SNED1: variants seen among roughly 807,000 people sequenced by gnomAD.
SNED1 encodes sushi, nidogen and EGF-like domain-containing protein 1.
A neutral mutation model predicts 166.7 loss-of-function variants in SNED1; 81 were observed. That is an observed-to-expected ratio of 0.49 (90% CI 0.41 to 0.58). The LOEUF (loss-of-function observed/expected upper bound fraction) is 0.58. Among genes scored for constraint, SNED1 ranks in the 20% least tolerant of loss-of-function variants. The probability of loss-of-function intolerance (pLI) is 0.00; values close to 1 mark genes in which losing one functional copy is unlikely to be tolerated. For synonymous variants in SNED1, 762 were observed against 822.0 expected, an observed-to-expected ratio of 0.93 and a Z score of 1.25; for missense variants, 1,604 against 2,000.2, an observed-to-expected ratio of 0.80 and a Z score of 3.78.
intron 29 of SNED1, among the ~76,000 whole-genome samples, 197 bp downstream of exon 29, chr2:241,082,561 G>A (rs886167368): frequency 1.3e-5 from 2 of 152,192 alleles, no homozygotes; most frequent in African/African-American, 4.8e-5. Flanking sequence ...ACTGCCCCAA[G>A]TCCATGCAGC....
chr2:241,053,423 A>G, intron 16 of SNED1, 97 bp downstream of exon 16: 7 of 1,294,610 alleles, frequency 5.4e-6, no homozygotes, highest in Non-Finnish European at 5.3e-6. Context: ...CCAAGCCTGG[A>G]TGCCCAGCTC....
chr2:241,051,637 A>C lies in SNED1; in HGVS notation c.1736-107A>C. 1.1e-6 allele frequency: 1 copy of C among 887,322 alleles called. No individual in the cohort carries two copies. Among genetic ancestry groups the C allele is most frequent in the Non-Finnish European group, 1.6e-6 (1 of 613,644 alleles). 55.0% of individuals were successfully genotyped at this position (887,322 alleles called of 1,614,324 possible). On this transcript the variant is annotated intron_variant, in intron 12 of 31. Transcript: ENST00000310397. The surrounding 1 kb of genome is among the most constrained non-coding windows in gnomAD (Gnocchi z 4.7). The stretch of plus-strand genomic sequence containing the variant: ...AGCCAGGCCCCAGGGCTTCGTCGAG[A>C]AGGCCCCACCAGCACCAGAGGACTG...
intron 1 of SNED1, among the ~76,000 whole-genome samples, chr2:241,001,514 T>A (rs2060076542): frequency 6.6e-6 from 1 of 152,212 alleles, no homozygotes; most frequent in South Asian, 2.1e-4. Context: ...TTGCTAAGGT[T>A]CTACACACAG....
At chr2:241,042,386 G>A (rs900730440) in intron 8 of SNED1, among the ~76,000 whole-genome samples, 17 of 152,098 alleles carry the variant, frequency 1.1e-4, no homozygotes, top group African/African-American at 4.1e-4. Context: ...AAGCTTAAAA[G>A]GATCAAACTG....
intron 16 of SNED1, among the ~76,000 whole-genome samples, chr2:241,061,855 A>C (rs77240310): frequency 0.016 from 2,297 of 140,602 alleles, 18 homozygotes; most frequent in Middle Eastern, 0.03. Context: ...CCATCCCCCC[A>C]AAAAAAAAAA....
At chr2:241,089,310 T>C (rs1426987685) in intron 31 of SNED1, 3 of 1,550,210 alleles carry the variant, frequency 1.9e-6, no homozygotes, top group South Asian at 2.4e-5. Context: ...CGCAGATGAG[T>C]GAGGCACCCT....
chr2:241,033,262 C>T (rs867437455), intron 2 of SNED1, among the ~76,000 whole-genome samples: 1 of 152,206 alleles, frequency 6.6e-6, no homozygotes, highest in Non-Finnish European at 1.5e-5. Flanking sequence ...TCTCATCTGG[C>T]GTACCTCATC....
chr2:241,063,540 C>T, intron 17 of SNED1, 47 bp from the exon 18 acceptor site: 6 of 1,317,472 alleles, frequency 4.6e-6, no homozygotes, highest in Non-Finnish European at 6.5e-6. Context: ...CATGTGGGCG[C>T]CTCAGACTTG....
rs1233656992 is a variant in SNED1, at chr2:240,998,640, G to C, written c.-198G>C. On this transcript the variant is annotated 5_prime_UTR_variant, in exon 1 of 32. Transcript: ENST00000310397. Reference sequence around the variant, plus strand: ...GCTGGCCCCGAACGCGGTCCCGCCCGGCGCTTTCCTCTGCGGAGCTGCGGC... The same window carrying C: ...GCTGGCCCCGAACGCGGTCCCGCCCCGCGCTTTCCTCTGCGGAGCTGCGGC... 1.3e-5 allele frequency among the ~76,000 whole-genome samples: 2 copies of C among 151,454 alleles called. No homozygotes were observed. The highest frequency in any genetic ancestry group is 2.9e-5 in the Non-Finnish European group (2 of 67,826).
intron 30 of SNED1, 154 bp downstream of exon 30, chr2:241,087,629 A>G (rs895813210): frequency 2.8e-6 from 4 of 1,439,266 alleles, no homozygotes; most frequent in African/African-American, 1.4e-5. Flanking sequence ...ACGTTCTGCT[A>G]CGAAACTGTA....
At chr2:241,029,073 G>C (rs574795951) in intron 1 of SNED1, among the ~76,000 whole-genome samples, 1 of 152,278 alleles carries the variant, frequency 6.6e-6, no homozygotes, top group East Asian at 1.9e-4. Flanking sequence ...CACCCAAAGG[G>C]GAAGTCCAGA....
chr2:241,052,277 G>A, intron 14 of SNED1, 78 bp from the exon 15 acceptor site: 2 of 1,431,034 alleles, frequency 1.4e-6, no homozygotes, highest in Non-Finnish European at 1.9e-6. Flanking sequence ...GGAGCTGGGT[G>A]CAGGAGGCAG....
chr2:241,067,274 C>A (rs1270965207), intron 21 of SNED1, among the ~76,000 whole-genome samples: 1 of 152,240 alleles, frequency 6.6e-6, no homozygotes, highest in African/African-American at 2.4e-5. Flanking sequence ...TCGGAGGAGA[C>A]TGGCTGGGCG....
In SNED1 at chr2:241,092,202, C is replaced by A. The variant is rs988360992; in HGVS notation, c.*566C>A. 2 of 152,206 alleles carry A rather than the reference C, an allele frequency of 1.3e-5. No homozygotes were observed. Among genetic ancestry groups the A allele is most frequent in the African/African-American group, 4.8e-5 (2 of 41,442 alleles). The allele number at this position is 152,206 out of a possible 1,614,324, so 9.4% of individuals were successfully genotyped here. A position where few individuals can be genotyped will look rare whatever the true frequency, so the allele number is the denominator to read the frequency against. ...CTCTGGTCCTCCAGCGTGTTTATGA[C>A]GCTCGTGCAGGTCGACGAGCCATCC... On this transcript the variant is annotated 3_prime_UTR_variant, in exon 32 of 32. Transcript: ENST00000310397. This position sits in a 1 kb window ranked among gnomAD's most constrained non-coding sequence, Gnocchi z 4.6.
chr2:241,039,012 G>A (rs1407614621), intron 6 of SNED1, among the ~76,000 whole-genome samples: 2 of 152,232 alleles, frequency 1.3e-5, no homozygotes, highest in African/African-American at 4.8e-5. Context: ...TCTTGGGTCT[G>A]CAGCATGTCA....
intron 1 of SNED1, among the ~76,000 whole-genome samples, chr2:241,003,743 C>A (rs1262111943): frequency 6.6e-6 from 1 of 152,196 alleles, no homozygotes; most frequent in Non-Finnish European, 1.5e-5. Context: ...TGCAGGTGAC[C>A]TGCTTAGAGA....
At chr2:241,009,641 C>T (rs534850722) in intron 1 of SNED1, among the ~76,000 whole-genome samples, 132 of 152,224 alleles carry the variant, frequency 8.7e-4, no homozygotes, top group African/African-American at 3.1e-3. Context: ...GACATGGCAT[C>T]AACACTCTCC....
In SNED1 at chr2:241,036,748, G is replaced by C. The variant is rs766117748; in HGVS notation, c.806-42G>C. On this transcript the variant is annotated intron_variant, in intron 4 of 31. Transcript: ENST00000310397. ...TGGGAGTGGCTCTCCTGCCGAGTCC[G>C]GAGGCAGCGGCTGAGGCTCCAGCCC... 7 of 1,600,478 alleles carry C rather than the reference G, an allele frequency of 4.4e-6. No homozygotes were observed. The African/African-American group carries it at 5.3e-5, about 12-fold the overall frequency.
intron 8 of SNED1, chr2:241,040,761 T>C: frequency 2.1e-6 from 1 of 474,482 alleles, no homozygotes; most frequent in South Asian, 1.6e-5. Context: ...GGGTGACTCT[T>C]GACTTTTTTA....
Sources: gnomAD v4.1 joint callset for allele counts (sites outside exome capture counted in the v4.1 genomes callset) on GRCh38, gnomAD v4.1.1 for gene constraint, Gnocchi (gnomAD v3.1) non-coding constraint, MANE v1.5 for transcripts, NCBI Gene and HGNC (gene_info 2026-07-23, HGNC 2026-07-21) for gene names.